Variants in DST observed in about 807,000 individuals in gnomAD.
DST encodes the protein dystonin.
Under a neutral mutation model 875.2 loss-of-function variants are expected in DST, and 253 were observed. That is an observed-to-expected ratio of 0.29 (90% confidence interval 0.26 to 0.32). The LOEUF (loss-of-function observed/expected upper bound fraction) is 0.32, where lower values mean the gene tolerates loss of function less well. DST is among the 10% of genes least tolerant of loss of function. DST has a pLI of 1.00. For synonymous variants in DST, 3,124 were observed against 3,197.1 expected, an observed-to-expected ratio of 0.98 and a Z score of 0.77; for missense variants, 8,287 against 9,111.6, an observed-to-expected ratio of 0.91 and a Z score of 3.68.
At chr6:56,594,604 G>A (rs1281322734) in intron 47 of DST, among the ~76,000 whole-genome samples, 2 of 152,026 alleles carry the variant, frequency 1.3e-5, no homozygotes, top group South Asian at 2.1e-4. Flanking sequence ...TTTTTATTAC[G>A]AAATGATCCT....
intron 36 of DST, chr6:56,616,577 T>A (rs764324267): frequency 1.9e-6 from 3 of 1,614,030 alleles, no homozygotes; most frequent in East Asian, 4.5e-5. Flanking sequence ...AGCTTGCTTG[T>A]TATTGGGATT....
intron 93 of DST, 29 bp downstream of exon 93, chr6:56,473,844 A>G: frequency 6.4e-7 from 1 of 1,570,740 alleles, no homozygotes; most frequent in Non-Finnish European, 8.6e-7. Context: ...TTATTTATTG[A>G]CATTTTAAAG....
chr6:56,493,200 C>A, intron 83 of DST, 111 bp from the exon 84 acceptor site: 1 of 873,846 alleles, frequency 1.1e-6, no homozygotes, highest in Non-Finnish European at 1.7e-6. Context: ...TTTATTTATG[C>A]ATATCTATTA....
chr6:56,521,534 G>C (rs1413107231), intron 69 of DST, among the ~76,000 whole-genome samples: 2 of 132,456 alleles, frequency 1.5e-5, no homozygotes, highest in Non-Finnish European at 3.1e-5. Context: ...CATCTAAGTT[G>C]CCAAAAAAGG....
chr6:56,723,270 G>A (rs1040623807), intron 5 of DST, among the ~76,000 whole-genome samples: 5 of 152,282 alleles, frequency 3.3e-5, no homozygotes, highest in Admixed American at 6.5e-5. Context: ...TGACCTATAA[G>A]AAGGGCTGTG....
chr6:56,797,648 ATC>A (rs1273217224), intron 4 of DST, among the ~76,000 whole-genome samples: 1 of 152,048 alleles, frequency 6.6e-6, no homozygotes, highest in Non-Finnish European at 1.5e-5. Context: ...GCAAAACCCT[ATC>A]TCTACTAAAA....
chr6:56,620,272 A>G, intron 36 of DST: 2 of 1,614,008 alleles, frequency 1.2e-6, no homozygotes, highest in Non-Finnish European at 1.7e-6. Context: ...TTTTAAGATG[A>G]TCTTCCAGTG....
chr6:56,953,939 G>C (rs776835979), intron 1 of DST, 120 bp from the exon 2 acceptor site: 8 of 555,822 alleles, frequency 1.4e-5, no homozygotes, highest in Non-Finnish European at 2.1e-5. Flanking sequence ...CCTGGAATTC[G>C]GTGGGACATC....
At chr6:56,688,244 AT>A (rs778363648) in intron 9 of DST, among the ~76,000 whole-genome samples, 6 of 152,238 alleles carry the variant, frequency 3.9e-5, no homozygotes, top group Non-Finnish European at 7.4e-5. Context: ...TTAGTCAATT[AT>A]AGAATGAATG....
In DST at chr6:56,466,070, C is replaced by T. The variant is rs769154986; in HGVS notation, c.22687+8G>A. 1.9e-6 allele frequency: 3 copies of T among 1,581,046 alleles called. No homozygotes were observed. The highest frequency in any genetic ancestry group is 1.1e-5 in the South Asian group (1 of 89,028). On this transcript the variant is annotated splice_region_variant and intron_variant, in intron 99 of 103. Coordinates refer to ENST00000680361, the MANE Select transcript of DST (RefSeq NM_001374736.1). ...TTCATGATGTTATCATGATAAGCAT[C>T]TCCTTACCCCTGCAAGGATCATTTT...
chr6:56,530,045 T>C lies in DST; in HGVS notation c.17197A>G (p.Lys5733Glu). ...PLNEWLTTIE[K>E]RLVNCEPIGT... ...ATGGGTTCACAATTCACCAGCCTCT[T>C]TTCTATGGTTGTAAGCCACTCGTTC... is the stretch of plus-strand genomic sequence containing the variant. The change falls in exon 65 of 104, where the codon AAG (lysine) becomes GAG (glutamate). Residue 5733 changes from lysine (K) to glutamate (E), a missense_variant. Lys to Glu is a moderately conservative substitution (Grantham distance 56). Coordinates refer to ENST00000680361, the MANE Select transcript of DST (RefSeq NM_001374736.1). 1.2e-6 allele frequency: 2 copies of C among 1,613,520 alleles called. No homozygotes were observed. The highest frequency in any genetic ancestry group is 1.7e-6 in the Non-Finnish European group (2 of 1,179,674).
chr6:56,561,634 T>C, intron 56 of DST, 85 bp from the exon 57 acceptor site: 1 of 1,350,236 alleles, frequency 7.4e-7, no homozygotes, highest in Non-Finnish European at 1.0e-6. Context: ...TTTTACATGG[T>C]ATTTTGTCAC....
chr6:56,851,825 T>G (rs1765428140), intron 3 of DST: 1 of 1,551,454 alleles, frequency 6.4e-7, no homozygotes, highest in Admixed American at 2.0e-5. Flanking sequence ...GTAAAAACAA[T>G]ACACAGGCAG....
intron 2 of DST, among the ~76,000 whole-genome samples, chr6:56,914,803 G>A (rs1207892546): frequency 1.3e-5 from 2 of 152,156 alleles, no homozygotes; most frequent in African/African-American, 4.8e-5. Flanking sequence ...TGAGAGTAAT[G>A]GCAAAACACT....
intron 69 of DST, among the ~76,000 whole-genome samples, chr6:56,520,397 G>A (rs559711732): frequency 9.9e-5 from 15 of 152,100 alleles, no homozygotes; most frequent in Admixed American, 2.0e-4. Context: ...CAAAAGTTAC[G>A]GAGGGTAGGG....
intron 4 of DST, among the ~76,000 whole-genome samples, chr6:56,834,427 T>C (rs1458876826): frequency 6.6e-6 from 1 of 152,158 alleles, no homozygotes; most frequent in African/African-American, 2.4e-5. Context: ...TGAAACTCCA[T>C]CTCTACTAAA....
At chr6:56,907,089 A>G in intron 2 of DST, among the ~76,000 whole-genome samples, 1 of 152,174 alleles carries the variant, frequency 6.6e-6, no homozygotes, top group East Asian at 1.9e-4. Context: ...CTCTGCTTGG[A>G]CTGTGAATAT....
intron 15 of DST, chr6:56,643,108 A>G (rs935682487): frequency 8.9e-6 from 3 of 337,816 alleles, no homozygotes; most frequent in Non-Finnish European, 1.6e-5. Context: ...ATTTGCACTA[A>G]GAGTCATCCA....
At chr6:56,615,959 G>C in intron 36 of DST, 1 of 1,614,202 alleles carries the variant, frequency 6.2e-7, no homozygotes, top group Non-Finnish European at 8.5e-7. Flanking sequence ...TCTATGCAAA[G>C]CTTCGGCCAC....
Sources: allele counts gnomAD v4.1 joint callset (sites outside exome capture counted in the v4.1 genomes callset), GRCh38; gene constraint gnomAD v4.1.1; transcripts MANE v1.5; gene names NCBI Gene and HGNC (gene_info 2026-07-23, HGNC 2026-07-21).